The following HERC6 variants were observed in gnomAD, a reference collection of about 807,000 sequenced individuals.
HERC6 encodes HECT and RLD domain containing E3 ubiquitin protein ligase family member 6.
Under a neutral mutation model 114.5 loss-of-function variants are expected in HERC6, and 101 were observed. The observed-to-expected ratio is 0.88, with a 90% CI of 0.75 to 1.04. HERC6 has a LOEUF of 1.04. HERC6 is among the 50% of genes least tolerant of loss of function. The probability of loss-of-function intolerance (pLI) is 0.00; values close to 1 mark genes in which losing one functional copy is unlikely to be tolerated. For synonymous variants in HERC6, 408 were observed against 436.2 expected (o/e 0.94, Z 0.81); for missense variants, 1,133 against 1,230.9 (o/e 0.92, Z 1.19).
At chr4:88,424,809 C>A in intron 15 of HERC6, 107 bp downstream of exon 15, 1 of 682,008 alleles carries the variant, frequency 1.5e-6, no homozygotes. Flanking sequence ...CAACATTTTG[C>A]CACACTTTTA....
chr4:88,390,474 C>T (rs1044586141), intron 3 of HERC6, among the ~76,000 whole-genome samples, 178 bp from the exon 4 acceptor site: 6 of 152,146 alleles, frequency 3.9e-5, no homozygotes, highest in Non-Finnish European at 7.3e-5. Context: ...TTGCGACAAT[C>T]ATTTAACAAT....
intron 3 of HERC6, among the ~76,000 whole-genome samples, chr4:88,390,177 CAA>C (rs1156777502): frequency 4.9e-4 from 24 of 48,664 alleles, no homozygotes; most frequent in African/African-American, 1.5e-3. Context: ...AACTCTGTAT[CAA>C]AAAAAAAAAA....
rs867229814 is a variant in HERC6 at position 88,430,955 on chromosome 4, T to G, written c.2107-207T>G. The stretch of plus-strand genomic sequence containing the variant: ...TTGGTCCATGTAGCAGTGTAAAGGA[T>G]GCACACAACAATCTGAGAATAAATA... On this transcript the variant is annotated intron_variant, in intron 16 of 22. Coordinates refer to ENST00000264346, the MANE Select transcript of HERC6 (RefSeq NM_017912.4). 3.3e-5 allele frequency among the ~76,000 whole-genome samples: 5 copies of G among 152,278 alleles called. No individual in the cohort carries two copies. In the South Asian group the frequency reaches 8.3e-4, roughly 25 times the overall value.
chr4:88,409,721 T>C (rs1362024971), intron 11 of HERC6, among the ~76,000 whole-genome samples: 1 of 152,232 alleles, frequency 6.6e-6, no homozygotes, highest in Non-Finnish European at 1.5e-5. Flanking sequence ...CCTTTCTCTT[T>C]GGATCACATT....
At chr4:88,398,121 G>A (rs1456125554) in intron 7 of HERC6, 21 bp from the exon 8 acceptor site, 2 of 1,511,308 alleles carry the variant, frequency 1.3e-6, no homozygotes, top group East Asian at 2.4e-5. Flanking sequence ...CTCTAAGCAT[G>A]GATTTATGAC....
chr4:88,404,899 C>T lies in HERC6; in HGVS notation c.1116C>T (p.Pro372=), dbSNP rs142949907. ...AGGATACTAGTTCCACACGTGCTCC[C>T]GGGAAAACCCTGCCAGAAATAAGCC... The part of the protein sequence containing the change: ...THQDTSSTRA[P]GKTLPEISRI... Residue 372 remains proline (P), a synonymous_variant, in exon 9 of 23, where the codon CCC becomes CCT. Coordinates refer to ENST00000264346, the MANE Select transcript of HERC6 (RefSeq NM_017912.4). 6.5e-5 allele frequency: 105 copies of T among 1,613,546 alleles called. No homozygotes were observed. In the South Asian group the frequency reaches 6.6e-4, roughly 10 times the overall value.
At position 88,398,153 on chromosome 4, in the gene HERC6, G is replaced by C. The variant is rs2148884300; in HGVS notation, c.1036G>C (p.Val346Leu). ...TGACTTTCTTTTAGACTTCGTGGAT[G>C]TTCAAGTCAAACACATTTTTGCTGG... ...CLISAEDFVD[V>L]QVKHIFAGTY... Residue 346 changes from valine to leucine, a missense_variant, in exon 8 of 23, where the codon GTT (valine) becomes CTT (leucine). Physicochemically the swap from Val to Leu is conservative, Grantham distance 32. Around this residue, in one of 3 missense-constraint regions of HERC6, gnomAD observed 735 missense variants for 754.0 expected, o/e 0.97. Coordinates refer to ENST00000264346, the MANE Select transcript of HERC6 (RefSeq NM_017912.4). 3.8e-6 allele frequency: 6 copies of C among 1,593,172 alleles called. No individual in the cohort carries two copies. Among genetic ancestry groups the C allele is most frequent in the Non-Finnish European group, 5.1e-6 (6 of 1,169,218 alleles).
chr4:88,428,292 T>C (rs1737832639), intron 15 of HERC6, among the ~76,000 whole-genome samples: 1 of 152,360 alleles, frequency 6.6e-6, no homozygotes, highest in African/African-American at 2.4e-5. Context: ...TGATGTTTAC[T>C]ATAATAAATA....
intron 3 of HERC6, among the ~76,000 whole-genome samples, chr4:88,389,709 A>AT (rs999619390): frequency 2.5e-4 from 19 of 77,340 alleles, no homozygotes; most frequent in African/African-American, 9.3e-4. Context: ...CTTTAATCTC[A>AT]TTTTTTTCTT....
At position 88,396,888 on chromosome 4, in the gene HERC6, G is replaced by A. The variant is rs751895050; in HGVS notation, c.925G>A (p.Val309Met). 1 of 1,607,830 alleles carries A rather than the reference G, an allele frequency of 6.2e-7. No homozygotes were observed. Among genetic ancestry groups the A allele is most frequent in the Admixed American group, 1.7e-5 (1 of 59,452 alleles). ...GGCATATGTGCACACCACTGGTCAGGTGGTATCTTTTGGTCATGGACCAAG... is the reference window on the plus strand; with the variant it reads ...GGCATATGTGCACACCACTGGTCAGATGGTATCTTTTGGTCATGGACCAAG... ...TLAYVHTTGQ[V>M]VSFGHGPSDT... Residue 309 changes from valine to methionine, a missense_variant, in exon 7 of 23, where the codon GTG (valine) becomes ATG (methionine). This residue lies in a region of HERC6 where 735 missense variants were observed against 754.0 expected (regional missense o/e 0.97). Coordinates refer to ENST00000264346, the MANE Select transcript of HERC6 (RefSeq NM_017912.4).
intron 22 of HERC6, chr4:88,440,524 G>T: frequency 2.9e-6 from 1 of 347,872 alleles, no homozygotes; most frequent in South Asian, 5.6e-5. Context: ...GTTTTTTATA[G>T]ATGAGCTAGT....
intron 2 of HERC6, 74 bp downstream of exon 2, chr4:88,383,454 A>G (rs1205750032): frequency 8.2e-7 from 1 of 1,215,696 alleles, no homozygotes; most frequent in East Asian, 3.0e-5. Context: ...GCAAGATGCC[A>G]GGATACAAAG....
At chr4:88,409,336 T>C (rs1735967905) in intron 11 of HERC6, among the ~76,000 whole-genome samples, 1 of 152,198 alleles carries the variant, frequency 6.6e-6, no homozygotes, top group Non-Finnish European at 1.5e-5. Context: ...ACAGCCAACC[T>C]GTGAGGCTGG....
At chr4:88,403,616 C>T (rs1735659640) in intron 8 of HERC6, among the ~76,000 whole-genome samples, 1 of 151,890 alleles carries the variant, frequency 6.6e-6, no homozygotes, top group African/African-American at 2.4e-5. Flanking sequence ...TAGCTGGGCA[C>T]AGTGGCAGGT....
At chr4:88,406,753 ATTATTTAT>A (rs968260913) in intron 10 of HERC6, among the ~76,000 whole-genome samples, 74 of 152,004 alleles carry the variant, frequency 4.9e-4, no homozygotes, top group African/African-American at 1.7e-3. Context: ...TTGTTTTTTT[ATTATTTAT>A]TTATTTATTT....
At chr4:88,379,191 G>T in intron 1 of HERC6, 71 bp downstream of exon 1, 1 of 1,258,344 alleles carries the variant, frequency 7.9e-7, no homozygotes, top group Non-Finnish European at 1.1e-6. Flanking sequence ...GGTACCGGGC[G>T]CAGGGAACCG....
chr4:88,432,475 T>A (rs1426032814), intron 17 of HERC6, among the ~76,000 whole-genome samples: 2 of 151,688 alleles, frequency 1.3e-5, no homozygotes, highest in African/African-American at 4.8e-5. Context: ...ATACCAGCAC[T>A]TTGGGAGGCC....
In HERC6 at chr4:88,424,611, C is replaced by T; in HGVS notation, c.1844C>T (p.Pro615Leu). Reference sequence around the variant, plus strand: ...ATTTTTTAGATACCTGCAGAAACCCCCAGTCCTGTTATTTTCAGTGATTTT... The same window carrying T: ...ATTTTTTAGATACCTGCAGAAACCCTCAGTCCTGTTATTTTCAGTGATTTT... ...RDNHLIPAET[P>L]SPVIFSDFPF... is the part of the protein sequence containing the mutation. The change falls in exon 15 of 23, where the codon CCC (proline) becomes CTC (leucine). Residue 615 changes from proline (P) to leucine (L), a missense_variant. Transcript: ENST00000264346. The T allele has an allele frequency of 1.2e-6, 2 of 1,607,864 alleles. No homozygotes were observed. Among genetic ancestry groups the T allele is most frequent in the Non-Finnish European group, 1.7e-6 (2 of 1,176,082 alleles).
intron 2 of HERC6, among the ~76,000 whole-genome samples, chr4:88,383,760 TC>T (rs1734437951): frequency 3.6e-5 from 2 of 55,136 alleles, no homozygotes; most frequent in Admixed American, 6.6e-4. Flanking sequence ...GGAGACTCAG[TC>T]TCAAAAAAAA....
Sources: allele counts gnomAD v4.1 joint callset (sites outside exome capture counted in the v4.1 genomes callset), GRCh38; gene constraint gnomAD v4.1.1; regional missense constraint gnomAD v4.1.1; transcripts MANE v1.5; gene names NCBI Gene and HGNC (gene_info 2026-07-23, HGNC 2026-07-21).